The following CHD9 variants were observed in gnomAD, a reference collection of about 807,000 sequenced individuals.
CHD9 encodes ATP-dependent chromatin remodeler CHD9.
In CHD9, 77 loss-of-function variants were observed where a neutral mutation model predicts 316.1. The observed-to-expected ratio is 0.24, with a 90% CI of 0.20 to 0.29. The LOEUF (loss-of-function observed/expected upper bound fraction) is 0.29. Among genes scored for constraint, CHD9 ranks in the 10% least tolerant of loss-of-function variants. The pLI is 1.00. For synonymous variants in CHD9, 1,129 were observed against 1,158.3 expected, an observed-to-expected ratio of 0.97 and a Z score of 0.51; for missense variants, 2,763 against 3,438.1, an observed-to-expected ratio of 0.80 and a Z score of 4.91.
intron 1 of CHD9, among the ~76,000 whole-genome samples, chr16:53,081,234 C>T (rs900230502): frequency 6.6e-6 from 1 of 152,202 alleles, no homozygotes; most frequent in Admixed American, 6.5e-5. Context: ...GCAACCAGTT[C>T]AGGACAGTCT....
chr16:53,163,207 T>A (rs2042039791), intron 2 of CHD9, among the ~76,000 whole-genome samples: 1 of 152,102 alleles, frequency 6.6e-6, no homozygotes, highest in Admixed American at 6.6e-5. Flanking sequence ...TATACATATT[T>A]TTAATTTTTT....
In CHD9 at chr16:53,233,850, T is replaced by C. The variant is rs532750680; in HGVS notation, c.2512-1335T>C. Among the ~76,000 whole-genome samples, 375 of 152,298 alleles carry C rather than the reference T, an allele frequency of 2.5e-3. 1 individual carries two copies. Among genetic ancestry groups the C allele is most frequent in the Non-Finnish European group, 4.7e-3 (323 of 68,018 alleles). The stretch of plus-strand genomic sequence containing the variant: ...CCTGATAATTCTTAGAAGTGTAATT[T>C]TGTTGATTAGTAACAGTATAATTTT... On this transcript the variant is annotated intron_variant, in intron 10 of 38. Coordinates refer to ENST00000447540, the MANE Select transcript of CHD9 (RefSeq NM_001308319.2).
chr16:53,138,639 T>C (rs891453275), intron 1 of CHD9, among the ~76,000 whole-genome samples: 7 of 152,190 alleles, frequency 4.6e-5, no homozygotes, highest in Non-Finnish European at 7.3e-5. Flanking sequence ...AGGCTTCATA[T>C]AGAAGATAGA....
intron 1 of CHD9, among the ~76,000 whole-genome samples, chr16:53,070,524 CCTTCCTTCCTCT>C (rs1398047718): frequency 4.3e-4 from 9 of 20,976 alleles, no homozygotes; most frequent in African/African-American, 1.8e-3. Context: ...TTCCTTCCTT[CCTTCCTTCCTCT>C]CTCTCTCTCT....
intron 1 of CHD9, among the ~76,000 whole-genome samples, chr16:53,145,045 A>C (rs996810235): frequency 6.6e-6 from 1 of 152,086 alleles, no homozygotes; most frequent in African/African-American, 2.4e-5. Context: ...GATTAAGTCA[A>C]TTAAGCAAAG....
chr16:53,105,141 C>A (rs1442277889), intron 1 of CHD9, among the ~76,000 whole-genome samples: 1 of 152,110 alleles, frequency 6.6e-6, no homozygotes, highest in Non-Finnish European at 1.5e-5. Flanking sequence ...CCACGCGCAG[C>A]CTCTTTAAAA....
At chr16:53,225,774 A>T (rs1238725849) in intron 4 of CHD9, among the ~76,000 whole-genome samples, 1 of 151,958 alleles carries the variant, frequency 6.6e-6, no homozygotes, top group Non-Finnish European at 1.5e-5. Context: ...TAAATATTTT[A>T]TATTATGTTA....
chr16:53,286,303 G>C lies in CHD9; in HGVS notation c.5149G>C (p.Ala1717Pro). The C allele has an allele frequency of 6.2e-7, 1 of 1,612,588 alleles. No homozygotes were observed. The highest frequency in any genetic ancestry group is 1.3e-5 in the African/African-American group (1 of 74,958). The stretch of plus-strand genomic sequence containing the variant: ...AAGAGTGGGAAAACCTGATGAGAAA[G>C]CAGTTGCTGCTGAACAGAGAGCGAA... ...LERVGKPDEK[A>P]VAAEQRANDY... Residue 1717 changes from alanine to proline, a missense_variant, in exon 26 of 39, where the codon GCA (alanine) becomes CCA (proline). Transcript: ENST00000447540.
intron 3 of CHD9, among the ~76,000 whole-genome samples, chr16:53,210,677 A>G (rs1306351300): frequency 6.6e-6 from 1 of 152,064 alleles, no homozygotes; most frequent in Non-Finnish European, 1.5e-5. Flanking sequence ...CTTTTTCACA[A>G]AAAGTCCGCA....
intron 1 of CHD9, among the ~76,000 whole-genome samples, chr16:53,114,170 T>C (rs2038091075): frequency 6.6e-6 from 1 of 152,232 alleles, no homozygotes; most frequent in Admixed American, 6.5e-5. Context: ...ACAAGCATTT[T>C]TGAACCCACC....
chr16:53,069,834 A>G (rs2033850605), intron 1 of CHD9, among the ~76,000 whole-genome samples: 3 of 152,158 alleles, frequency 2.0e-5, no homozygotes. Flanking sequence ...CAGCTGCTGT[A>G]CCATTTTACA....
intron 2 of CHD9, among the ~76,000 whole-genome samples, chr16:53,191,940 T>C (rs933488411): frequency 2.0e-5 from 3 of 152,116 alleles, no homozygotes; most frequent in African/African-American, 7.2e-5. Flanking sequence ...GTCAGTCTTT[T>C]TAAATTTAGC....
intron 37 of CHD9, among the ~76,000 whole-genome samples, chr16:53,318,834 A>C (rs527684995): frequency 4.6e-5 from 7 of 152,350 alleles, no homozygotes; most frequent in Admixed American, 6.5e-5. Flanking sequence ...ATCTAAGAGG[A>C]CACCACTCAC....
intron 1 of CHD9, among the ~76,000 whole-genome samples, chr16:53,133,554 G>C (rs561744012): frequency 2.6e-4 from 40 of 152,198 alleles, no homozygotes; most frequent in South Asian, 4.1e-4. Flanking sequence ...ATAATATTAA[G>C]TTTCTTGACA....
At chr16:53,235,354 C>A (rs2048533202) in intron 11 of CHD9, 48 bp downstream of exon 11, 1 of 1,285,916 alleles carries the variant, frequency 7.8e-7, no homozygotes, top group Non-Finnish European at 1.1e-6. Context: ...TAATGTGTGC[C>A]AAAATGTGTC....
chr16:53,134,228 C>A (rs1038133599), intron 1 of CHD9, among the ~76,000 whole-genome samples: 7 of 152,166 alleles, frequency 4.6e-5, no homozygotes, highest in African/African-American at 1.7e-4. Context: ...GTTGTAAGTG[C>A]TTGGAAAACT....
At chr16:53,130,032 C>T (rs1008647153) in intron 1 of CHD9, among the ~76,000 whole-genome samples, 1 of 152,190 alleles carries the variant, frequency 6.6e-6, no homozygotes, top group Admixed American at 6.5e-5. Flanking sequence ...CTGTCTCTCT[C>T]TCTTCTTAAA....
intron 2 of CHD9, among the ~76,000 whole-genome samples, chr16:53,193,694 A>C (rs967650743): frequency 2.6e-5 from 4 of 152,136 alleles, no homozygotes; most frequent in African/African-American, 9.7e-5. Flanking sequence ...ATTAATCTTA[A>C]TCACAATAAT....
chr16:53,236,685 C>G (rs1421527183), intron 11 of CHD9, among the ~76,000 whole-genome samples: 1 of 147,112 alleles, frequency 6.8e-6, no homozygotes, highest in Non-Finnish European at 1.5e-5. Flanking sequence ...TTTAACTTTC[C>G]AAATCCATGA....
Sources: allele counts gnomAD v4.1 joint callset (sites outside exome capture counted in the v4.1 genomes callset), GRCh38; gene constraint gnomAD v4.1.1; transcripts MANE v1.5; gene names NCBI Gene and HGNC (gene_info 2026-07-23, HGNC 2026-07-21).